SPECC1: variants seen among roughly 807,000 people sequenced by gnomAD.
The protein encoded by SPECC1 is sperm antigen with calponin homology and coiled-coil domains 1.
Under a neutral mutation model 104.1 loss-of-function variants are expected in SPECC1, and 62 were observed. The observed-to-expected ratio is 0.60, with a 90% CI of 0.49 to 0.74. The LOEUF is 0.74. SPECC1 is among the 30% of genes least tolerant of loss of function. SPECC1 has a pLI of 0.00. For missense variants in SPECC1, 1,306 were observed against 1,310.5 expected (o/e 1.00, Z 0.05); for synonymous variants, 513 against 501.6 (o/e 1.02, Z -0.30).
chr17:20,147,794 A>T (rs1318078392), intron 3 of SPECC1, among the ~76,000 whole-genome samples: 4 of 152,236 alleles, frequency 2.6e-5, no homozygotes, highest in African/African-American at 7.2e-5. Flanking sequence ...CCAACACTTC[A>T]GGAGGCCAAG....
At chr17:20,151,680 C>T (rs1402096913) in intron 3 of SPECC1, among the ~76,000 whole-genome samples, 1 of 152,208 alleles carries the variant, frequency 6.6e-6, no homozygotes, top group Non-Finnish European at 1.5e-5. Context: ...GTTCATATAA[C>T]ATTCAGGCAG....
At chr17:20,205,970 T>C in intron 4 of SPECC1, 58 bp downstream of exon 4, 1 of 1,538,128 alleles carries the variant, frequency 6.5e-7, no homozygotes, top group Non-Finnish European at 8.7e-7. Context: ...TTTCTGCCCT[T>C]AACCTCTAAA....
At chr17:20,099,310 T>A (rs961852767) in intron 2 of SPECC1, among the ~76,000 whole-genome samples, 2 of 151,978 alleles carry the variant, frequency 1.3e-5, no homozygotes, top group African/African-American at 2.4e-5. Flanking sequence ...AAACTTAGAT[T>A]TTTAAATGAA....
chr17:20,262,789 G>A (rs774749598), intron 12 of SPECC1, among the ~76,000 whole-genome samples: 14 of 152,176 alleles, frequency 9.2e-5, no homozygotes, highest in Admixed American at 5.2e-4. Flanking sequence ...TCTCTGTCAT[G>A]TCAGCAGTCA....
At chr17:20,015,138 T>C (rs563148926) in intron 1 of SPECC1, among the ~76,000 whole-genome samples, 1 of 152,302 alleles carries the variant, frequency 6.6e-6, no homozygotes, top group Non-Finnish European at 1.5e-5. Context: ...TTAATACACA[T>C]TTCTATGGCA....
In SPECC1 at chr17:20,315,873, C is replaced by T. The variant is rs939377135; in HGVS notation, c.*1808C>T. On this transcript the variant is annotated 3_prime_UTR_variant, in exon 15 of 15. Coordinates refer to ENST00000395527, the MANE Select transcript of SPECC1 (RefSeq NM_001243439.2). ...CCTACAGTGGACCCTTTTGAAAACA[C>T]TCTTGGCTGCCCTAGTTGGTTAACT... 5 of 232,654 alleles carry T rather than the reference C, an allele frequency of 2.1e-5. No homozygotes were observed. The highest frequency in any genetic ancestry group is 1.1e-4 in the African/African-American group (5 of 45,326). 14.4% of individuals were successfully genotyped at this position (232,654 alleles called of 1,614,324 possible). A position where few individuals can be genotyped will look rare whatever the true frequency, so the allele number is the denominator to read the frequency against.
At chr17:20,073,844 G>A (rs778966044) in intron 1 of SPECC1, 6 of 152,174 alleles carry the variant, frequency 3.9e-5, no homozygotes, top group South Asian at 2.1e-4. Context: ...ACATTCTCCC[G>A]TGGTGCATGG....
intron 3 of SPECC1, among the ~76,000 whole-genome samples, chr17:20,197,085 G>C (rs1309746985): frequency 1.3e-5 from 2 of 152,174 alleles, no homozygotes; most frequent in African/African-American, 4.8e-5. Flanking sequence ...GTAGTTGTAA[G>C]ATTTTTCATT....
At chr17:20,173,513 A>T (rs1376945978) in intron 3 of SPECC1, among the ~76,000 whole-genome samples, 1 of 152,192 alleles carries the variant, frequency 6.6e-6, no homozygotes, top group Admixed American at 6.5e-5. Context: ...CCCCAATGAC[A>T]CTATCACTAT....
chr17:20,102,003 G>T (rs2047968227), intron 2 of SPECC1, among the ~76,000 whole-genome samples: 3 of 152,228 alleles, frequency 2.0e-5, no homozygotes, highest in Admixed American at 6.5e-5. Flanking sequence ...TATACAGGTG[G>T]TTGGCAGCTT....
At position 20,116,916 on chromosome 17, in the gene SPECC1, C is replaced by CGGA. The variant is rs2048791765; in HGVS notation, c.283+6354_283+6355insGGA. ...AACATCCTAGGATGCGCAGGACCGT[C>CGGA]CCTGCAGTGGAGAGTGTCCTGCCCA... On this transcript the variant is annotated intron_variant, in intron 3 of 14. Transcript: ENST00000395527. Among the ~76,000 whole-genome samples, 6 of 149,204 alleles carry CGGA rather than the reference C, an allele frequency of 4.0e-5. No homozygotes were observed. In the Admixed American group the frequency reaches 4.1e-4, roughly 10 times the overall value.
At chr17:20,100,056 T>C (rs554733312) in intron 2 of SPECC1, among the ~76,000 whole-genome samples, 1 of 152,362 alleles carries the variant, frequency 6.6e-6, no homozygotes, top group East Asian at 1.9e-4. Context: ...ATAGTTGTTA[T>C]ACTGTGTCAT....
intron 3 of SPECC1, among the ~76,000 whole-genome samples, chr17:20,171,869 C>T (rs1180734151): frequency 2.0e-5 from 3 of 152,188 alleles, no homozygotes; most frequent in Admixed American, 6.5e-5. Context: ...ATGTGCTTGC[C>T]AGCATTCTGG....
intron 1 of SPECC1, among the ~76,000 whole-genome samples, chr17:20,014,207 C>T (rs1484319909): frequency 6.6e-6 from 1 of 152,152 alleles, no homozygotes; most frequent in African/African-American, 2.4e-5. Context: ...AATGAATTTG[C>T]ACTGTTTTGG....
chr17:20,049,700 T>G (rs1279742212), intron 1 of SPECC1, among the ~76,000 whole-genome samples: 1 of 152,208 alleles, frequency 6.6e-6, no homozygotes, highest in Non-Finnish European at 1.5e-5. Context: ...TGATTTTCTC[T>G]TTTATAACTT....
chr17:20,194,659 C>A (rs1461491955), intron 3 of SPECC1, among the ~76,000 whole-genome samples: 1 of 151,528 alleles, frequency 6.6e-6, no homozygotes, highest in East Asian at 1.9e-4. Flanking sequence ...GGTGGCGCCA[C>A]CACGCCTAGC....
chr17:20,255,382 G>A (rs919197401), intron 10 of SPECC1, among the ~76,000 whole-genome samples: 1 of 152,200 alleles, frequency 6.6e-6, no homozygotes, highest in African/African-American at 2.4e-5. Context: ...GCACAAAAGA[G>A]GGAATAATTT....
intron 3 of SPECC1, among the ~76,000 whole-genome samples, chr17:20,180,139 A>C (rs552973329): frequency 6.6e-6 from 1 of 152,336 alleles, no homozygotes; most frequent in African/African-American, 2.4e-5. Flanking sequence ...ACAGGGATCA[A>C]GGATGATAGT....
intron 13 of SPECC1, among the ~76,000 whole-genome samples, chr17:20,302,255 G>A (rs2041613781): frequency 6.6e-6 from 1 of 152,226 alleles, no homozygotes; most frequent in East Asian, 1.9e-4. Context: ...TTTGCCACAG[G>A]TTGGGCACTT....
Sources: allele counts gnomAD v4.1 joint callset (sites outside exome capture counted in the v4.1 genomes callset), GRCh38; gene constraint gnomAD v4.1.1; transcripts MANE v1.5; gene names NCBI Gene and HGNC (gene_info 2026-07-23, HGNC 2026-07-21).